Variants in B3GALT1 observed in about 807,000 individuals in gnomAD.
B3GALT1 encodes beta-1,3-galactosyltransferase 1, also known as UDP-Gal:betaGlcNAc beta 1,3-galactosyltransferase, polypeptide 1.
A neutral mutation model predicts 23.2 loss-of-function variants in B3GALT1; 10 were observed. That is an observed-to-expected ratio of 0.43 (90% CI 0.27 to 0.73). B3GALT1 has a LOEUF of 0.73. Among genes scored for constraint, B3GALT1 ranks in the 30% least tolerant of loss-of-function variants. The probability of loss-of-function intolerance (pLI) is 0.21; values close to 1 mark genes in which losing one functional copy is unlikely to be tolerated. For missense variants in B3GALT1, 299 were observed against 405.4 expected (o/e 0.74, Z 2.25); for synonymous variants, 156 against 141.5 (o/e 1.10, Z -0.73).
chr2:167,777,378 G>T (rs1189381651), intron 3 of B3GALT1, among the ~76,000 whole-genome samples: 3 of 152,036 alleles, frequency 2.0e-5, no homozygotes, highest in Non-Finnish European at 2.9e-5. Context: ...ACAGAGTCTT[G>T]CTCTGTTGCC....
At chr2:167,804,416 T>C (rs1558984563) in intron 3 of B3GALT1, among the ~76,000 whole-genome samples, 3 of 152,092 alleles carry the variant, frequency 2.0e-5, no homozygotes, top group Non-Finnish European at 4.4e-5. Flanking sequence ...CATGTTGGTG[T>C]GCTGCACCCA....
Position 167,713,874 on chromosome 2 carries a change from G to C in B3GALT1, c.-352+66908G>C, listed in dbSNP as rs542080353. On this transcript the variant is annotated intron_variant, in intron 3 of 4. Coordinates refer to ENST00000392690, the MANE Select transcript of B3GALT1 (RefSeq NM_020981.4). ...AAATCCCTTGATAGAAAATAACCTCGTGAAGCTCCAAACATGGTTCCTGGA... is the reference window on the plus strand; with the variant it reads ...AAATCCCTTGATAGAAAATAACCTCCTGAAGCTCCAAACATGGTTCCTGGA... The C allele has an allele frequency of 5.0e-6, 8 of 1,588,520 alleles. No individual in the cohort carries two copies. The Admixed American group carries it at 1.3e-4, about 27-fold the overall frequency.
intron 1 of B3GALT1, among the ~76,000 whole-genome samples, chr2:167,320,816 A>G (rs987329801): frequency 1.3e-5 from 2 of 152,104 alleles, no homozygotes; most frequent in Admixed American, 6.5e-5. Flanking sequence ...GCCACTATGT[A>G]ATGGCTGTTT....
intron 2 of B3GALT1, among the ~76,000 whole-genome samples, chr2:167,511,311 T>C (rs759464790): frequency 6.6e-6 from 1 of 152,206 alleles, no homozygotes; most frequent in Non-Finnish European, 1.5e-5. Context: ...ATCGAATCAT[T>C]GGGATGGTTT....
At chr2:167,701,658 T>A (rs1686883884) in intron 3 of B3GALT1, among the ~76,000 whole-genome samples, 1 of 152,226 alleles carries the variant, frequency 6.6e-6, no homozygotes, top group African/African-American at 2.4e-5. Context: ...AAGGCAGATG[T>A]CCTTGATCAA....
At chr2:167,541,467 C>T (rs1683532714) in intron 2 of B3GALT1, among the ~76,000 whole-genome samples, 1 of 151,946 alleles carries the variant, frequency 6.6e-6, no homozygotes, top group Non-Finnish European at 1.5e-5. Flanking sequence ...ATGTCTTGCA[C>T]AAGGATTTAA....
chr2:167,817,007 G>A (rs1275937789), intron 3 of B3GALT1, among the ~76,000 whole-genome samples: 1 of 152,130 alleles, frequency 6.6e-6, no homozygotes, highest in African/African-American at 2.4e-5. Context: ...CTTTTGCTTT[G>A]GTATTTGACT....
At chr2:167,460,478 C>T (rs1484285635) in intron 1 of B3GALT1, among the ~76,000 whole-genome samples, 1 of 151,956 alleles carries the variant, frequency 6.6e-6, no homozygotes, top group African/African-American at 2.4e-5. Flanking sequence ...TTGTCTCTTT[C>T]CTGATATTTC....
intron 3 of B3GALT1, chr2:167,714,883 C>A (rs770325071): frequency 3.1e-6 from 5 of 1,609,878 alleles, no homozygotes; most frequent in Non-Finnish European, 4.2e-6. Context: ...TGTGGAGTGT[C>A]ATTTCATTTT....
intron 3 of B3GALT1, among the ~76,000 whole-genome samples, chr2:167,719,271 ATTTTT>A (rs1337142371): frequency 6.6e-6 from 1 of 152,160 alleles, no homozygotes; most frequent in Non-Finnish European, 1.5e-5. Flanking sequence ...ATGTGCATTG[ATTTTT>A]GAGATGCTTT....
At chr2:167,421,036 T>G (rs528753591) in intron 1 of B3GALT1, among the ~76,000 whole-genome samples, 2 of 152,338 alleles carry the variant, frequency 1.3e-5, no homozygotes, top group Admixed American at 6.5e-5. Context: ...CACTATTTAC[T>G]GAGTGGAACA....
intron 1 of B3GALT1, among the ~76,000 whole-genome samples, chr2:167,418,197 A>G (rs779548206): frequency 2.3e-4 from 35 of 152,310 alleles, no homozygotes; most frequent in Middle Eastern, 3.4e-3. Flanking sequence ...AAAGTTACAG[A>G]TCCCAGTCCC....
chr2:167,557,629 G>A (rs933454857), intron 2 of B3GALT1, among the ~76,000 whole-genome samples: 2 of 152,190 alleles, frequency 1.3e-5, no homozygotes, highest in Admixed American at 6.5e-5. Context: ...GACTGTCAAA[G>A]TGGTCATGGA....
intron 2 of B3GALT1, among the ~76,000 whole-genome samples, chr2:167,583,583 T>C (rs1212080272): frequency 6.6e-6 from 1 of 152,224 alleles, no homozygotes; most frequent in East Asian, 1.9e-4. Flanking sequence ...CAGACTAATA[T>C]GCATTTCTCC....
At chr2:167,363,012 C>T (rs4667950) in intron 1 of B3GALT1, among the ~76,000 whole-genome samples, 122,760 of 151,486 alleles carry the variant, frequency 0.81, 51,420 homozygotes, top group East Asian at 0.92. Flanking sequence ...TGTGTCACCA[C>T]GCCCGGCTAA....
intron 2 of B3GALT1, among the ~76,000 whole-genome samples, chr2:167,512,732 G>T (rs1700044690): frequency 6.8e-6 from 1 of 146,800 alleles, no homozygotes; most frequent in Non-Finnish European, 1.5e-5. Flanking sequence ...CAGCTCATGG[G>T]CTCAAATGAT....
chr2:167,569,961 A>G (rs1448197031), intron 2 of B3GALT1, among the ~76,000 whole-genome samples: 1 of 151,916 alleles, frequency 6.6e-6, no homozygotes, highest in Non-Finnish European at 1.5e-5. Context: ...TCTGTATGTA[A>G]TAGATCGTGT....
At chr2:167,375,993 T>C (rs184396029) in intron 1 of B3GALT1, among the ~76,000 whole-genome samples, 52 of 152,360 alleles carry the variant, frequency 3.4e-4, no homozygotes, top group Non-Finnish European at 5.4e-4. Context: ...TTGAGGTATG[T>C]TCTTTCATTG....
At position 167,586,590 on chromosome 2, in the gene B3GALT1, C is replaced by T. The variant is rs149579553; in HGVS notation, c.-409-60319C>T. Among the ~76,000 whole-genome samples the T allele has an allele frequency of 2.3e-3, 355 of 152,290 alleles. 1 individual carries two copies. Among genetic ancestry groups the T allele is most frequent in the African/African-American group, 7.7e-3 (318 of 41,560 alleles). On this transcript the variant is annotated intron_variant, in intron 2 of 4. Transcript: ENST00000392690. ...CCGGGATTACAGGTGTGAGCTACCA[C>T]GCCAGGCCAAAAGTCATATTTTCAC...
Sources: allele counts gnomAD v4.1 joint callset (sites outside exome capture counted in the v4.1 genomes callset), GRCh38; gene constraint gnomAD v4.1.1; transcripts MANE v1.5; gene names NCBI Gene and HGNC (gene_info 2026-07-23, HGNC 2026-07-21).